The following THSD4 variants were observed in gnomAD, a reference collection of about 807,000 sequenced individuals.
THSD4 encodes thrombospondin type-1 domain-containing protein 4.
Under a neutral mutation model 119.0 loss-of-function variants are expected in THSD4, and 69 were observed. That is an observed-to-expected ratio of 0.58 (90% CI 0.48 to 0.71). The LOEUF (loss-of-function observed/expected upper bound fraction) is 0.71. Among genes scored for constraint, THSD4 ranks in the 30% least tolerant of loss-of-function variants. The pLI is 0.00. For missense variants in THSD4, 1,393 were observed against 1,391.1 expected (o/e 1.00, Z -0.02); for synonymous variants, 524 against 540.4 (o/e 0.97, Z 0.42).
At chr15:71,194,727 A>G (rs8026415) in intron 3 of THSD4, among the ~76,000 whole-genome samples, 14,085 of 152,070 alleles carry the variant, frequency 0.093, 1,024 homozygotes, top group African/African-American at 0.21. Flanking sequence ...ACTATGCATA[A>G]CTCTGGCTTC....
intron 7 of THSD4, among the ~76,000 whole-genome samples, chr15:71,629,164 C>G (rs557877554): frequency 6.6e-6 from 1 of 152,144 alleles, no homozygotes; most frequent in African/African-American, 2.4e-5. Flanking sequence ...TGTAGTGGAA[C>G]GGCCAGAAAA....
chr15:71,611,703 A>T (rs1371134083), intron 7 of THSD4, among the ~76,000 whole-genome samples: 1 of 152,268 alleles, frequency 6.6e-6, no homozygotes, highest in Admixed American at 6.5e-5. Context: ...AAGGTTTCAG[A>T]GAACATGACA....
At chr15:71,765,528 G>A (rs1179395421) in intron 16 of THSD4, among the ~76,000 whole-genome samples, 2 of 152,208 alleles carry the variant, frequency 1.3e-5, no homozygotes, top group East Asian at 1.9e-4. Flanking sequence ...TTCCTGAGGT[G>A]TGTTGGATGG....
At chr15:71,587,572 A>G (rs913466293) in intron 7 of THSD4, among the ~76,000 whole-genome samples, 5 of 114,170 alleles carry the variant, frequency 4.4e-5, no homozygotes, top group East Asian at 2.3e-4. Flanking sequence ...GAATTGAACA[A>G]TGAGATTACA....
chr15:71,679,486 C>T lies in THSD4; in HGVS notation c.1357+18752C>T, dbSNP rs181426339. 5.9e-5 allele frequency among the ~76,000 whole-genome samples: 9 copies of T among 152,328 alleles called. No homozygotes were observed. In the East Asian group the frequency reaches 1.7e-3, roughly 29 times the overall value. ...AAAAAGCCAGCCGCCAAGTTTAGCCCTCATGCTGTGGTTTGCCCACCCTTG... is the reference window on the plus strand; with the variant it reads ...AAAAAGCCAGCCGCCAAGTTTAGCCTTCATGCTGTGGTTTGCCCACCCTTG... On this transcript the variant is annotated intron_variant, in intron 8 of 17. Transcript: ENST00000261862.
Position 71,780,424 on chromosome 15 carries a change from G to A in THSD4, c.*3050G>A, listed in dbSNP as rs1347192952. On this transcript the variant is annotated 3_prime_UTR_variant, in exon 18 of 18. Transcript: ENST00000261862. ...AGGAAATTGTGCCTCTTGCAGCCTA[G>A]GCAAAGGACATTTAGTACTATCGAT... The A allele has an allele frequency of 1.6e-5, 3 of 183,940 alleles. No individual in the cohort carries two copies. Among genetic ancestry groups the A allele is most frequent in the Non-Finnish European group, 2.4e-5 (2 of 84,474 alleles). 11.4% of individuals were successfully genotyped at this position (183,940 alleles called of 1,614,324 possible).
At chr15:71,732,733 C>T (rs2053005419) in intron 10 of THSD4, 1 of 152,138 alleles carries the variant, frequency 6.6e-6, no homozygotes, top group African/African-American at 2.4e-5. Flanking sequence ...GATCTCACAC[C>T]TGGGCAGTGA....
chr15:71,265,434 C>T (rs889598780), intron 6 of THSD4, among the ~76,000 whole-genome samples: 17 of 152,162 alleles, frequency 1.1e-4, no homozygotes, highest in African/African-American at 3.6e-4. Flanking sequence ...AGATACTACG[C>T]TTTTGCCGTG....
intron 7 of THSD4, among the ~76,000 whole-genome samples, chr15:71,607,334 G>A (rs938935155): frequency 6.6e-6 from 1 of 152,136 alleles, no homozygotes; most frequent in African/African-American, 2.4e-5. Context: ...AAGAATGGAT[G>A]GCATTTGTAA....
chr15:71,585,825 T>A lies in THSD4; in HGVS notation c.1153-74705T>A, dbSNP rs547796559. Among the ~76,000 whole-genome samples the A allele has an allele frequency of 5.9e-5, 9 of 152,312 alleles. No homozygotes were observed. The South Asian group carries it at 1.9e-3, about 32-fold the overall frequency. ...TAACTAGATAATTTCAAATGACTTG[T>A]ATCTGAGCTTACCAATTCTTTCTTC... On this transcript the variant is annotated intron_variant, in intron 7 of 17. Coordinates refer to ENST00000261862, the MANE Select transcript of THSD4 (RefSeq NM_024817.3).
At chr15:71,116,612 A>C (rs899754589) in intron 1 of THSD4, among the ~76,000 whole-genome samples, 1 of 152,150 alleles carries the variant, frequency 6.6e-6, no homozygotes, top group African/African-American at 2.4e-5. Context: ...TTTTCGGGCT[A>C]TGAGTCTAAA....
intron 1 of THSD4, chr15:71,110,101 C>T (rs1041067920): frequency 1.3e-5 from 2 of 152,240 alleles, no homozygotes; most frequent in South Asian, 2.1e-4. Flanking sequence ...TGCTTCCTGG[C>T]TGAGCTCTCC....
intron 7 of THSD4, among the ~76,000 whole-genome samples, chr15:71,659,691 C>T (rs2051262531): frequency 6.6e-6 from 1 of 152,202 alleles, no homozygotes; most frequent in Non-Finnish European, 1.5e-5. Context: ...AGACTACAGA[C>T]ATGAGCCACC....
In THSD4 at chr15:71,758,002, C is replaced by T. The variant is rs1398721255; in HGVS notation, c.2516C>T (p.Pro839Leu). The T allele has an allele frequency of 1.2e-5, 20 of 1,613,636 alleles. No individual in the cohort carries two copies. The highest frequency in any genetic ancestry group is 3.3e-5 in the South Asian group (3 of 90,962). The change falls in exon 15 of 18, where the codon CCG becomes CTG. Residue 839 changes from proline (P) to leucine (L), a missense_variant. Pro to Leu is a moderately conservative substitution (Grantham distance 98). Transcript: ENST00000261862. ...CTGGAGGGCTGTGGGAACAACCGGC[C>T]GGCAGAGGCCACCCCATGTGACAAC... ...LPLEGCGNNR[P>L]AEATPCDNGP...
chr15:71,438,948 G>T (rs1379721582), intron 7 of THSD4, among the ~76,000 whole-genome samples: 1 of 152,050 alleles, frequency 6.6e-6, no homozygotes, highest in Non-Finnish European at 1.5e-5. Flanking sequence ...TGACTTTTTG[G>T]AGCAGAATGG....
chr15:71,347,164 G>A (rs765041769), intron 6 of THSD4, among the ~76,000 whole-genome samples: 1 of 152,076 alleles, frequency 6.6e-6, no homozygotes, highest in Non-Finnish European at 1.5e-5. Context: ...GTGAGCCACC[G>A]TGCCCGGCTC....
At chr15:71,220,347 C>A (rs2043965256) in intron 4 of THSD4, among the ~76,000 whole-genome samples, 1 of 152,124 alleles carries the variant, frequency 6.6e-6, no homozygotes, top group Admixed American at 6.5e-5. Flanking sequence ...CATATCAGGC[C>A]TTTGTCTCAT....
Position 71,243,049 on chromosome 15 carries a change from A to G in THSD4, c.865A>G (p.Ile289Val), listed in dbSNP as rs2044167605. The G allele has an allele frequency of 4.3e-6, 7 of 1,614,048 alleles. No individual in the cohort carries two copies. The African/African-American group carries it at 5.3e-5, about 12-fold the overall frequency. ...CTCTCAGCCTGCCCGATCTACAGCA[A>G]TCTCATGCATCGGGGCCTATCGGCA... Reference protein sequence around the residue: ...SFSQPARSTAISCIGAYRQYK... With the variant: ...SFSQPARSTAVSCIGAYRQYK... Residue 289 changes from isoleucine (I) to valine (V), a missense_variant, in exon 5 of 18, where the codon ATC becomes GTC. Physicochemically the swap from Ile to Val is conservative, Grantham distance 29 (BLOSUM62 3). Coordinates refer to ENST00000261862, the MANE Select transcript of THSD4 (RefSeq NM_024817.3).
At chr15:71,372,667 T>C (rs561899302) in intron 6 of THSD4, among the ~76,000 whole-genome samples, 2 of 152,340 alleles carry the variant, frequency 1.3e-5, no homozygotes, top group African/African-American at 4.8e-5. Context: ...TACCTGGCCG[T>C]GTAAGGTCAG....
Sources: allele counts gnomAD v4.1 joint callset (sites outside exome capture counted in the v4.1 genomes callset), GRCh38; gene constraint gnomAD v4.1.1; transcripts MANE v1.5; gene names NCBI Gene and HGNC (gene_info 2026-07-23, HGNC 2026-07-21).